The following IQCM variants were observed in gnomAD, a reference collection of about 807,000 sequenced individuals.
IQCM encodes IQ domain-containing protein M.
Under a neutral mutation model 57.6 loss-of-function variants are expected in IQCM, and 45 were observed. That is an observed-to-expected ratio of 0.78 (90% confidence interval 0.62 to 1.00). The LOEUF (loss-of-function observed/expected upper bound fraction) is 1.00, where lower values mean the gene tolerates loss of function less well. Among genes scored for constraint, IQCM ranks in the 50% least tolerant of loss-of-function variants. The probability of loss-of-function intolerance (pLI) is 0.00; values close to 1 mark genes in which losing one functional copy is unlikely to be tolerated. For missense variants in IQCM, 468 were observed against 511.6 expected, an observed-to-expected ratio of 0.91 and a Z score of 0.82; for synonymous variants, 148 against 158.9, an observed-to-expected ratio of 0.93 and a Z score of 0.51.
At chr4:149,481,838 T>C (rs1382628545) in intron 12 of IQCM, among the ~76,000 whole-genome samples, 1 of 151,454 alleles carries the variant, frequency 6.6e-6, no homozygotes, top group Non-Finnish European at 1.5e-5. Flanking sequence ...AGGAATTGCA[T>C]TGAATCTGTA....
intron 9 of IQCM, among the ~76,000 whole-genome samples, chr4:149,579,474 C>T (rs1751972175): frequency 1.3e-5 from 2 of 151,680 alleles, no homozygotes; most frequent in Admixed American, 1.3e-4. Context: ...TGTTTTTTTC[C>T]ATCCAATTAG....
intron 7 of IQCM, among the ~76,000 whole-genome samples, chr4:149,645,215 A>AT (rs1758535012): frequency 6.6e-6 from 1 of 152,116 alleles, no homozygotes; most frequent in East Asian, 1.9e-4. Flanking sequence ...ATGTATTACA[A>AT]TTTTTTGCAA....
At chr4:149,673,769 G>A (rs1033712202) in intron 7 of IQCM, among the ~76,000 whole-genome samples, 9 of 151,994 alleles carry the variant, frequency 5.9e-5, no homozygotes, top group East Asian at 3.9e-4. Context: ...TGCACCAAGC[G>A]GAACTAATAG....
At chr4:149,471,267 T>C (rs1739506865) in intron 12 of IQCM, among the ~76,000 whole-genome samples, 2 of 151,958 alleles carry the variant, frequency 1.3e-5, no homozygotes, top group South Asian at 2.1e-4. Flanking sequence ...ATAGACACTA[T>C]AAAAAATGAT....
intron 12 of IQCM, among the ~76,000 whole-genome samples, chr4:149,547,554 A>G (rs1400788435): frequency 6.6e-6 from 1 of 152,194 alleles, no homozygotes; most frequent in Non-Finnish European, 1.5e-5. Flanking sequence ...TGAAAGACAA[A>G]TAAGTTCTGG....
intron 12 of IQCM, among the ~76,000 whole-genome samples, chr4:149,440,616 C>T (rs1257256729): frequency 1.3e-5 from 2 of 151,978 alleles, no homozygotes; most frequent in East Asian, 3.9e-4. Context: ...TTTTCCTTTT[C>T]TTGTGCTTAA....
At chr4:149,654,037 G>T (rs1310685387) in intron 7 of IQCM, among the ~76,000 whole-genome samples, 4 of 152,252 alleles carry the variant, frequency 2.6e-5, no homozygotes, top group Admixed American at 2.6e-4. Context: ...CTTTACATAT[G>T]TTACATTTAT....
intron 7 of IQCM, among the ~76,000 whole-genome samples, chr4:149,653,673 G>A (rs750946183): frequency 4.6e-5 from 7 of 151,942 alleles, no homozygotes; most frequent in South Asian, 4.1e-4. Context: ...TTTTTAAATC[G>A]GATATCAAGC....
intron 5 of IQCM, among the ~76,000 whole-genome samples, chr4:149,699,818 G>T (rs990543756): frequency 6.6e-6 from 1 of 151,518 alleles, no homozygotes; most frequent in Non-Finnish European, 1.5e-5. Flanking sequence ...ATAGACCTAG[G>T]GACCTTTAGT....
At chr4:149,526,138 A>T (rs901943666) in intron 12 of IQCM, among the ~76,000 whole-genome samples, 1 of 152,000 alleles carries the variant, frequency 6.6e-6, no homozygotes, top group Non-Finnish European at 1.5e-5. Context: ...AATCAAAATT[A>T]AAAATATTTA....
At chr4:149,514,788 A>C (rs1227461376) in intron 12 of IQCM, 1 of 152,212 alleles carries the variant, frequency 6.6e-6, no homozygotes. Flanking sequence ...TGGGCTGGGA[A>C]AGGCAGATTC....
chr4:149,571,914 T>C (rs565424888), intron 9 of IQCM, among the ~76,000 whole-genome samples: 2 of 152,212 alleles, frequency 1.3e-5, no homozygotes, highest in Non-Finnish European at 2.9e-5. Flanking sequence ...ATAAGTAGTA[T>C]ATAATATCTT....
At chr4:149,439,759 C>T (rs896333490) in intron 12 of IQCM, among the ~76,000 whole-genome samples, 10 of 152,086 alleles carry the variant, frequency 6.6e-5, no homozygotes, top group African/African-American at 1.9e-4. Flanking sequence ...GATAAATGCT[C>T]CTCCCACCTT....
chr4:149,378,136 C>T (rs1730821311), intron 13 of IQCM, among the ~76,000 whole-genome samples: 2 of 152,152 alleles, frequency 1.3e-5, no homozygotes, highest in South Asian at 4.1e-4. Context: ...CTTTCATCTT[C>T]TGTCATGATT....
At chr4:149,563,501 G>A (rs529318533) in intron 10 of IQCM, among the ~76,000 whole-genome samples, 191 bp downstream of exon 10, 6 of 152,002 alleles carry the variant, frequency 3.9e-5, no homozygotes, top group Admixed American at 2.0e-4. Context: ...CAGGAGAATC[G>A]CTTGAACCCA....
At chr4:149,601,106 T>G (rs1754240029) in intron 8 of IQCM, among the ~76,000 whole-genome samples, 1 of 152,220 alleles carries the variant, frequency 6.6e-6, no homozygotes, top group Non-Finnish European at 1.5e-5. Flanking sequence ...TTAATGTGAA[T>G]AATTTATGGA....
At chr4:149,654,957 A>C (rs1218564911) in intron 7 of IQCM, among the ~76,000 whole-genome samples, 2 of 144,628 alleles carry the variant, frequency 1.4e-5, no homozygotes, top group Non-Finnish European at 3.0e-5. Flanking sequence ...CGTATGTTTA[A>C]AATTTCTTTT....
At chr4:149,508,940 T>A (rs940026640) in intron 12 of IQCM, among the ~76,000 whole-genome samples, 3 of 152,140 alleles carry the variant, frequency 2.0e-5, no homozygotes, top group African/African-American at 4.8e-5. Flanking sequence ...TCTCAGGAGA[T>A]CGGATGGTTT....
At chr4:149,676,545 CT>C (rs1205124631) in intron 7 of IQCM, among the ~76,000 whole-genome samples, 1 of 152,070 alleles carries the variant, frequency 6.6e-6, no homozygotes, top group Non-Finnish European at 1.5e-5. Flanking sequence ...ATTATCCCCC[CT>C]CTACCCAATG....
Sources: allele counts gnomAD v4.1 joint callset (sites outside exome capture counted in the v4.1 genomes callset), GRCh38; gene constraint gnomAD v4.1.1; transcripts MANE v1.5; gene names NCBI Gene and HGNC (gene_info 2026-07-23, HGNC 2026-07-21).